Variants in CNTN6 observed in about 807,000 individuals in gnomAD.
The protein encoded by CNTN6 is contactin 6.
A neutral mutation model predicts 122.8 loss-of-function variants in CNTN6; 137 were observed. The observed-to-expected ratio is 1.12, with a 90% CI of 0.97 to 1.29. The LOEUF is 1.29. Among genes scored for constraint, CNTN6 ranks in the 50% most tolerant of loss-of-function variants. The pLI is 0.00. For missense variants in CNTN6, 1,634 were observed against 1,223.4 expected (o/e 1.34, Z -5.01); for synonymous variants, 570 against 426.0 (o/e 1.34, Z -4.16).
chr3:1,293,066 T>G (rs1434261372), intron 5 of CNTN6, among the ~76,000 whole-genome samples: 1 of 152,190 alleles, frequency 6.6e-6, no homozygotes, highest in East Asian at 1.9e-4. Context: ...CTGCTGTTCC[T>G]GGTCTCATCT....
chr3:1,118,463 T>G (rs2125049562), intron 1 of CNTN6, among the ~76,000 whole-genome samples: 1 of 152,288 alleles, frequency 6.6e-6, no homozygotes, highest in East Asian at 1.9e-4. Context: ...AGGTAAACAA[T>G]TTGGCCAAGA....
chr3:1,235,435 GTTTA>G (rs983387432), intron 4 of CNTN6, among the ~76,000 whole-genome samples: 9 of 150,830 alleles, frequency 6.0e-5, no homozygotes, highest in East Asian at 1.9e-4. Context: ...TATTTCTATT[GTTTA>G]TTTATATATA....
At chr3:1,155,170 C>G (rs987633696) in intron 2 of CNTN6, among the ~76,000 whole-genome samples, 1 of 152,150 alleles carries the variant, frequency 6.6e-6, no homozygotes, top group African/African-American at 2.4e-5. Context: ...CTGGAATTAA[C>G]TTATTTATAC....
rs1392842551 is a variant in CNTN6 at position 1,173,063 on chromosome 3, C to T, written c.55+25000C>T. On this transcript the variant is annotated intron_variant, in intron 2 of 22. Coordinates refer to ENST00000446702, the MANE Select transcript of CNTN6 (RefSeq NM_001289080.2). The stretch of plus-strand genomic sequence containing the variant: ...TTATATCACACCAGAACTGACTCAG[C>T]GCCATTGCCCATTTAACTCACTTGT... 7 of 372,044 alleles carry T rather than the reference C, an allele frequency of 1.9e-5. 1 individual carries two copies. The highest frequency in any genetic ancestry group is 8.0e-5 in the South Asian group (4 of 50,060). 23.0% of individuals were successfully genotyped at this position (372,044 alleles called of 1,614,324 possible).
Position 1,321,796 on chromosome 3 carries a change from G to C in CNTN6, c.908G>C (p.Arg303Pro), listed in dbSNP as rs41293401. 3 of 1,609,768 alleles carry C rather than the reference G, an allele frequency of 1.9e-6. No individual in the cohort carries two copies. The highest frequency in any genetic ancestry group is 2.2e-5 in the South Asian group (2 of 90,680). Reference protein sequence around the residue: ...GFYECIASNLRGRNLAKGQLI... With the variant: ...GFYECIASNLPGRNLAKGQLI... The stretch of plus-strand genomic sequence containing the variant: ...TATGAGTGCATTGCAAGCAACCTTC[G>C]AGGAAGAAACCTTGCAAAGGGTCAA... Residue 303 changes from arginine to proline, a missense_variant, in exon 8 of 23, where the codon CGA becomes CCA. Physicochemically the swap from Arg to Pro is moderately radical, Grantham distance 103. Coordinates refer to ENST00000446702, the MANE Select transcript of CNTN6 (RefSeq NM_001289080.2).
At chr3:1,225,528 T>G (rs2094269748) in intron 3 of CNTN6, among the ~76,000 whole-genome samples, 1 of 152,114 alleles carries the variant, frequency 6.6e-6, no homozygotes, top group Non-Finnish European at 1.5e-5. Context: ...GATTCCAAAA[T>G]TAAAAGGAGC....
chr3:1,373,031 T>C (rs932547948), intron 14 of CNTN6, 76 bp downstream of exon 14: 1 of 822,502 alleles, frequency 1.2e-6, no homozygotes, highest in Non-Finnish European at 2.0e-6. Context: ...TGTAGACCTC[T>C]GAGAAACCAC....
intron 2 of CNTN6, among the ~76,000 whole-genome samples, chr3:1,183,870 T>C (rs1436614286): frequency 6.6e-6 from 1 of 152,172 alleles, no homozygotes; most frequent in Non-Finnish European, 1.5e-5. Context: ...CATGACTGGG[T>C]TGTCATGCGA....
Position 1,245,197 on chromosome 3 carries a change from GATATATATATATATATATATATAT to G in CNTN6, c.358+17220_358+17243del, listed in dbSNP as rs1217220571. On this transcript the variant is annotated intron_variant, in intron 4 of 22. Coordinates refer to ENST00000446702, the MANE Select transcript of CNTN6 (RefSeq NM_001289080.2). ...TCAACAAGTAGGGTAAAGAAAATGT[GATATATATATATATATATATATAT>G]ATATATATATATATACACACACACA... Among the ~76,000 whole-genome samples the G allele has an allele frequency of 2.5e-4, 5 of 20,198 alleles. 2 individuals are homozygous for G. The East Asian group carries it at 4.6e-3, about 18-fold the overall frequency. The allele number at this position is 20,198 out of a possible 152,430, so 13.3% of individuals were successfully genotyped here. A position where few individuals can be genotyped will look rare whatever the true frequency, so the allele number is the denominator to read the frequency against.
At chr3:1,191,635 C>A (rs1288893339) in intron 2 of CNTN6, among the ~76,000 whole-genome samples, 1 of 152,166 alleles carries the variant, frequency 6.6e-6, no homozygotes, top group Non-Finnish European at 1.5e-5. Flanking sequence ...CTAGAGGGAA[C>A]TGTTGAAACT....
intron 4 of CNTN6, among the ~76,000 whole-genome samples, chr3:1,250,019 A>G (rs576284878): frequency 5.9e-5 from 9 of 152,216 alleles, no homozygotes; most frequent in Non-Finnish European, 1.2e-4. Flanking sequence ...TTTATTTAAA[A>G]AGGTGTAAAA....
chr3:1,281,505 C>T (rs1295535358), intron 5 of CNTN6, among the ~76,000 whole-genome samples: 2 of 147,228 alleles, frequency 1.4e-5, no homozygotes, highest in Admixed American at 6.8e-5. Flanking sequence ...CCTTCTGTTG[C>T]CTAAGCTGGA....
intron 7 of CNTN6, among the ~76,000 whole-genome samples, chr3:1,303,423 G>T (rs912007626): frequency 6.6e-6 from 1 of 151,994 alleles, no homozygotes; most frequent in African/African-American, 2.4e-5. Context: ...TTCTAGCTAG[G>T]GTTAGACTGT....
rs1701227421 is a variant in CNTN6, at chr3:1,324,148, C to T, written c.947-1667C>T. Among the ~76,000 whole-genome samples, 4 of 149,482 alleles carry T rather than the reference C, an allele frequency of 2.7e-5. No individual in the cohort carries two copies. In the South Asian group the frequency reaches 6.2e-4, roughly 23 times the overall value. The stretch of plus-strand genomic sequence containing the variant: ...TTGTCCCTCAAGGCTGCAGGAAGCA[C>T]ATTCTGTAACTGGAAGTTGTCCTGA... On this transcript the variant is annotated intron_variant, in intron 8 of 22. Coordinates refer to ENST00000446702, the MANE Select transcript of CNTN6 (RefSeq NM_001289080.2).
chr3:1,325,657 T>C (rs184341812), intron 8 of CNTN6, among the ~76,000 whole-genome samples, 158 bp from the exon 9 acceptor site: 381 of 151,930 alleles, frequency 2.5e-3, no homozygotes, highest in Non-Finnish European at 4.1e-3. Context: ...TCAACCCGCA[T>C]TGAAGCTCCT....
chr3:1,135,322 G>C (rs938921498), intron 1 of CNTN6, among the ~76,000 whole-genome samples: 1 of 152,136 alleles, frequency 6.6e-6, no homozygotes, highest in African/African-American at 2.4e-5. Flanking sequence ...TTTCTGTGAG[G>C]TCAAGATTGA....
intron 1 of CNTN6, among the ~76,000 whole-genome samples, chr3:1,120,010 A>G (rs978665038): frequency 2.6e-5 from 4 of 152,078 alleles, no homozygotes; most frequent in African/African-American, 9.7e-5. Context: ...TTGGACATTT[A>G]GTTCAGCACA....
At chr3:1,133,927 A>C (rs2092404267) in intron 1 of CNTN6, among the ~76,000 whole-genome samples, 1 of 152,190 alleles carries the variant, frequency 6.6e-6, no homozygotes, top group South Asian at 2.1e-4. Context: ...ATCTCACTAC[A>C]GCCCTTCCCT....
chr3:1,312,624 A>T (rs1450939152), intron 7 of CNTN6, among the ~76,000 whole-genome samples: 1 of 151,852 alleles, frequency 6.6e-6, no homozygotes, highest in Non-Finnish European at 1.5e-5. Flanking sequence ...CAAAAAAAAA[A>T]AAAAAAGCAT....
Sources: allele counts gnomAD v4.1 joint callset (sites outside exome capture counted in the v4.1 genomes callset), GRCh38; gene constraint gnomAD v4.1.1; transcripts MANE v1.5; gene names NCBI Gene and HGNC (gene_info 2026-07-23, HGNC 2026-07-21).